Variants in ACSM2B observed in about 807,000 individuals in gnomAD.
The protein encoded by ACSM2B is acyl-coenzyme A synthetase ACSM2B, mitochondrial.
A neutral mutation model predicts 78.6 loss-of-function variants in ACSM2B; 58 were observed. That is an observed-to-expected ratio of 0.74 (90% CI 0.60 to 0.92). The LOEUF is 0.92. Among genes scored for constraint, ACSM2B ranks in the 40% least tolerant of loss-of-function variants. The pLI is 0.00. For synonymous variants in ACSM2B, 257 were observed against 256.8 expected, an observed-to-expected ratio of 1.00 and a Z score of -0.01; for missense variants, 688 against 711.2, an observed-to-expected ratio of 0.97 and a Z score of 0.37.
intron 1 of ACSM2B, among the ~76,000 whole-genome samples, chr16:20,572,176 A>T: frequency 6.7e-6 from 1 of 150,120 alleles, no homozygotes; most frequent in Non-Finnish European, 1.5e-5. Flanking sequence ...AGGTCATGTG[A>T]GGTTTATGCT....
intron 9 of ACSM2B, among the ~76,000 whole-genome samples, 176 bp downstream of exon 9, chr16:20,546,218 C>A (rs1379385570): frequency 6.6e-6 from 1 of 151,944 alleles, no homozygotes; most frequent in African/African-American, 2.4e-5. Context: ...TTCTCCTTTT[C>A]CTCCTTCCTT....
chr16:20,551,205 G>A (rs1382053545), intron 6 of ACSM2B, among the ~76,000 whole-genome samples: 1 of 152,136 alleles, frequency 6.6e-6, no homozygotes, highest in Non-Finnish European at 1.5e-5. Flanking sequence ...TGTCAGAGAA[G>A]GGGTATGAAC....
At chr16:20,554,980 C>A (rs2015423647) in intron 4 of ACSM2B, among the ~76,000 whole-genome samples, 1 of 152,222 alleles carries the variant, frequency 6.6e-6, no homozygotes, top group Non-Finnish European at 1.5e-5. Flanking sequence ...CAACCCTGAA[C>A]CTGTGAGGAC....
intron 6 of ACSM2B, among the ~76,000 whole-genome samples, chr16:20,550,671 T>C (rs1226376148): frequency 6.6e-6 from 1 of 152,172 alleles, no homozygotes; most frequent in Non-Finnish European, 1.5e-5. Context: ...CTTGAACCTT[T>C]GCTGCAGCCA....
At chr16:20,551,731 G>A (rs1288774520) in intron 6 of ACSM2B, among the ~76,000 whole-genome samples, 1 of 152,032 alleles carries the variant, frequency 6.6e-6, no homozygotes, top group Non-Finnish European at 1.5e-5. Flanking sequence ...TGTGTGTTAT[G>A]CTGCAAATAA....
chr16:20,568,422 A>T (rs2015998480), intron 1 of ACSM2B, among the ~76,000 whole-genome samples: 1 of 146,952 alleles, frequency 6.8e-6, no homozygotes, highest in Non-Finnish European at 1.5e-5. Context: ...ATATTTATAA[A>T]AATATATAAA....
intron 13 of ACSM2B, among the ~76,000 whole-genome samples, chr16:20,538,621 G>A (rs1488744067): frequency 6.6e-6 from 1 of 152,148 alleles, no homozygotes; most frequent in Non-Finnish European, 1.5e-5. Context: ...GAGAATTCTA[G>A]AGGAGAGACT....
intron 10 of ACSM2B, chr16:20,544,710 A>C (rs1480441160): frequency 1.0e-6 from 1 of 985,546 alleles, no homozygotes; most frequent in East Asian, 1.1e-4. Context: ...ATCTGTCTTT[A>C]CCTTCCCAAG....
At chr16:20,554,081 C>T in intron 4 of ACSM2B, 161 bp from the exon 5 acceptor site, 1 of 1,140,780 alleles carries the variant, frequency 8.8e-7, no homozygotes, top group East Asian at 2.6e-5. Flanking sequence ...GAGCCTGAGT[C>T]AATCAGAGTT....
chr16:20,539,398 A>AG (rs1193679938), intron 13 of ACSM2B, among the ~76,000 whole-genome samples: 1 of 24,174 alleles, frequency 4.1e-5, no homozygotes, highest in Admixed American at 6.3e-4. Context: ...CCCTAGACTC[A>AG]ATTTTTTTTC....
chr16:20,569,594 C>T (rs7187002), intron 1 of ACSM2B, among the ~76,000 whole-genome samples: 132,047 of 151,656 alleles, frequency 0.87, 57,848 homozygotes, highest in East Asian at 1. Flanking sequence ...GGATTTTTTT[C>T]TCTAGTTCTG....
rs111505979 is a variant in ACSM2B, at chr16:20,538,789, C to G, written c.1630-1427G>C. Among the ~76,000 whole-genome samples, 493 of 152,222 alleles carry G rather than the reference C, an allele frequency of 3.2e-3. 3 individuals carry two copies. The highest frequency in any genetic ancestry group is 0.017 in the Middle Eastern group (5 of 294). On this transcript the variant is annotated intron_variant, in intron 13 of 13. Transcript: ENST00000329697. ...GGAAACTGAGGAACGCAGAGGTTAT[C>G]GAGTAAGTGGTGGAGGTGAATGTTG...
At position 20,536,657 on chromosome 16, in the gene ACSM2B, A is replaced by T. The variant is rs1389125801; in HGVS notation, c.*601T>A. 1 of 151,844 alleles carries T rather than the reference A, an allele frequency of 6.6e-6. No homozygotes were observed. Among genetic ancestry groups the T allele is most frequent in the Non-Finnish European group, 1.5e-5 (1 of 67,942 alleles). The allele number at this position is 151,844 out of a possible 1,614,324, so 9.4% of individuals were successfully genotyped here. A position where few individuals can be genotyped will look rare whatever the true frequency, so the allele number is the denominator to read the frequency against. On this transcript the variant is annotated 3_prime_UTR_variant, in exon 14 of 14. Coordinates refer to ENST00000329697, the MANE Select transcript of ACSM2B (RefSeq NM_001105069.2). Reference sequence around the variant, plus strand: ...ATGCTTGACTTTGTCTATCTGTGGGAATATTTATAGGTTTTCCTCTTTACT... The same window carrying T: ...ATGCTTGACTTTGTCTATCTGTGGGTATATTTATAGGTTTTCCTCTTTACT...
intron 3 of ACSM2B, among the ~76,000 whole-genome samples, chr16:20,556,959 C>T (rs1419455546): frequency 6.6e-6 from 1 of 152,114 alleles, no homozygotes; most frequent in Non-Finnish European, 1.5e-5. Context: ...TTCCTGGCTG[C>T]ATTCATGTCT....
intron 4 of ACSM2B, chr16:20,554,231 C>T: frequency 2.0e-6 from 1 of 503,086 alleles, no homozygotes. Flanking sequence ...TTAACTCTGC[C>T]ACCAAAGAAA....
At chr16:20,558,069 A>G (rs2015531106) in intron 3 of ACSM2B, among the ~76,000 whole-genome samples, 3 of 152,216 alleles carry the variant, frequency 2.0e-5, no homozygotes, top group Admixed American at 2.0e-4. Context: ...CTAGAATTAT[A>G]GTTCAGGAGT....
At chr16:20,555,514 G>A (rs367603279) in intron 3 of ACSM2B, 38 bp from the exon 4 acceptor site, 49 of 1,610,366 alleles carry the variant, frequency 3.0e-5, no homozygotes, top group Middle Eastern at 3.3e-4. Flanking sequence ...GGAAAGGATG[G>A]TTTTCTTTGT....
At chr16:20,539,073 C>T (rs922856600) in intron 13 of ACSM2B, among the ~76,000 whole-genome samples, 8 of 151,614 alleles carry the variant, frequency 5.3e-5, no homozygotes, top group African/African-American at 1.9e-4. Flanking sequence ...CTCACCTTGC[C>T]TTAGGACAAC....
At chr16:20,564,323 A>G (rs984100457) in intron 2 of ACSM2B, among the ~76,000 whole-genome samples, 1 of 151,644 alleles carries the variant, frequency 6.6e-6, no homozygotes, top group African/African-American at 2.4e-5. Context: ...TTGATTTGCT[A>G]TTATTAGATT....
Sources: gnomAD v4.1 joint callset for allele counts (sites outside exome capture counted in the v4.1 genomes callset) on GRCh38, gnomAD v4.1.1 for gene constraint, MANE v1.5 for transcripts, NCBI Gene and HGNC (gene_info 2026-07-23, HGNC 2026-07-21) for gene names.